SLC35F3: variants seen among roughly 807,000 people sequenced by gnomAD.
SLC35F3 encodes putative thiamine transporter SLC35F3.
SLC35F3 carries 25 observed loss-of-function variants against 49.9 expected under a neutral mutation model. The ratio of observed to expected loss-of-function variants is 0.50; its 90% confidence interval spans 0.37 to 0.70. SLC35F3 has a LOEUF of 0.70. Ranked by LOEUF, SLC35F3 falls within the 30% of genes least tolerant of loss-of-function variation. The probability of loss-of-function intolerance (pLI) is 0.00; values close to 1 mark genes in which losing one functional copy is unlikely to be tolerated. For synonymous variants in SLC35F3, 275 were observed against 265.4 expected, an observed-to-expected ratio of 1.04 and a Z score of -0.35; for missense variants, 525 against 639.8, an observed-to-expected ratio of 0.82 and a Z score of 1.94.
chr1:234,110,721 G>A (rs1216821274), intron 2 of SLC35F3, among the ~76,000 whole-genome samples: 1 of 146,370 alleles, frequency 6.8e-6, no homozygotes, highest in African/African-American at 2.4e-5. Context: ...CACAGCTGAT[G>A]GGAATGTAAA....
chr1:233,907,238 C>T (rs1270572146), intron 2 of SLC35F3, among the ~76,000 whole-genome samples: 2 of 152,204 alleles, frequency 1.3e-5, no homozygotes, highest in African/African-American at 4.8e-5. Flanking sequence ...AAAGTCATCT[C>T]TTTGGTGCTT....
intron 3 of SLC35F3, chr1:234,285,289 A>C: frequency 4.3e-6 from 2 of 466,916 alleles, no homozygotes; most frequent in Non-Finnish European, 8.6e-6. Flanking sequence ...ATCCAGAAGA[A>C]TGGGTCTCTT....
At chr1:234,194,566 A>ATACCACCT (rs1203077907) in intron 2 of SLC35F3, among the ~76,000 whole-genome samples, 1 of 152,104 alleles carries the variant, frequency 6.6e-6, no homozygotes, top group African/African-American at 2.4e-5. Flanking sequence ...ATGTAACCAA[A>ATACCACCT]TACCACCTGT....
rs537283024 is a variant in SLC35F3, at chr1:234,116,536, G to A, written c.284-114881G>A. ...TTATTTATTTATTTATTTTGAGACAGCGTTTTGCTCTGTTGCCCAGGCTGG... is the reference window on the plus strand; with the variant it reads ...TTATTTATTTATTTATTTTGAGACAACGTTTTGCTCTGTTGCCCAGGCTGG... On this transcript the variant is annotated intron_variant, in intron 2 of 7. Transcript: ENST00000366618. 2.0e-4 allele frequency among the ~76,000 whole-genome samples: 25 copies of A among 127,566 alleles called. No individual in the cohort carries two copies. The South Asian group carries it at 5.8e-3, about 29-fold the overall frequency. The allele number at this position is 127,566 out of a possible 152,430, so 83.7% of individuals were successfully genotyped here.
chr1:234,322,924 A>G, intron 7 of SLC35F3, 84 bp from the exon 8 acceptor site: 1 of 1,091,134 alleles, frequency 9.2e-7, no homozygotes, highest in Non-Finnish European at 1.4e-6. Context: ...CAGACAGAGG[A>G]GGGTGCCCCC....
rs971564663 is a variant in SLC35F3, at chr1:234,109,436, G to A, written c.284-121981G>A. On this transcript the variant is annotated intron_variant, in intron 2 of 7. Coordinates refer to ENST00000366618, the MANE Select transcript of SLC35F3 (RefSeq NM_173508.4). ...CAGATGCATCCTAAAGCCATAGGCA[G>A]CTCATCTCCTCATGGTTGGAGGGAG... Among the ~76,000 whole-genome samples the A allele has an allele frequency of 2.0e-5, 3 of 152,186 alleles. No individual in the cohort carries two copies. The East Asian group carries it at 5.8e-4, about 29-fold the overall frequency.
chr1:233,939,865 G>A (rs1411947801), intron 2 of SLC35F3, among the ~76,000 whole-genome samples: 3 of 152,134 alleles, frequency 2.0e-5, no homozygotes, highest in Admixed American at 1.3e-4. Flanking sequence ...GAGAAACTAT[G>A]GAAACCATTA....
chr1:234,323,373 C>T lies in SLC35F3; in HGVS notation c.*130C>T, dbSNP rs1289459676. The T allele has an allele frequency of 4.0e-5, 29 of 730,906 alleles. No individual in the cohort carries two copies. The East Asian group carries it at 6.0e-4, about 15-fold the overall frequency. The allele number at this position is 730,906 out of a possible 1,614,324, so 45.3% of individuals were successfully genotyped here. ...CGGTAAGTTCTATGGTATTTATTGGCATGTCCAATTTGCTTGCACTTTTCC... is the reference window on the plus strand; with the variant it reads ...CGGTAAGTTCTATGGTATTTATTGGTATGTCCAATTTGCTTGCACTTTTCC... On this transcript the variant is annotated 3_prime_UTR_variant, in exon 8 of 8. Transcript: ENST00000366618. This position sits in a 1 kb window ranked among gnomAD's most constrained non-coding sequence, Gnocchi z 4.5.
intron 2 of SLC35F3, among the ~76,000 whole-genome samples, chr1:234,180,094 G>C (rs1005630568): frequency 1.3e-5 from 2 of 152,176 alleles, no homozygotes; most frequent in Non-Finnish European, 2.9e-5. Flanking sequence ...ATAGGGATGA[G>C]TGACAACAGC....
At chr1:234,281,139 T>C (rs1223321615) in intron 3 of SLC35F3, among the ~76,000 whole-genome samples, 1 of 152,084 alleles carries the variant, frequency 6.6e-6, no homozygotes, top group Non-Finnish European at 1.5e-5. Flanking sequence ...CTTCAGAATG[T>C]AACTGCATTT....
At chr1:234,228,821 G>A (rs1435497665) in intron 2 of SLC35F3, among the ~76,000 whole-genome samples, 3 of 152,138 alleles carry the variant, frequency 2.0e-5, no homozygotes, top group African/African-American at 7.2e-5. Context: ...ATCCCTGGGT[G>A]CTAACATCAC....
intron 3 of SLC35F3, among the ~76,000 whole-genome samples, chr1:234,243,693 C>T (rs1177840479): frequency 1.1e-4 from 16 of 152,174 alleles, no homozygotes; most frequent in Non-Finnish European, 2.2e-4. Flanking sequence ...ACTGGTGTCC[C>T]GTTTGACTTT....
chr1:234,084,893 C>A (rs1222251997), intron 2 of SLC35F3, among the ~76,000 whole-genome samples: 2 of 152,078 alleles, frequency 1.3e-5, no homozygotes, highest in African/African-American at 4.8e-5. Context: ...GACTGAGGGG[C>A]CACATTAGAA....
chr1:234,058,368 A>G (rs1664488337), intron 2 of SLC35F3, among the ~76,000 whole-genome samples: 1 of 112,052 alleles, frequency 8.9e-6, no homozygotes, highest in Non-Finnish European at 1.6e-5. Flanking sequence ...TCAGTTAAAC[A>G]GGGTCTCACC....
At chr1:233,997,233 G>T (rs931891107) in intron 2 of SLC35F3, among the ~76,000 whole-genome samples, 1 of 152,114 alleles carries the variant, frequency 6.6e-6, no homozygotes, top group African/African-American at 2.4e-5. Flanking sequence ...GACATCTGAT[G>T]AGCTTGTGAT....
chr1:234,258,504 T>C (rs1667854939), intron 3 of SLC35F3, among the ~76,000 whole-genome samples: 1 of 152,258 alleles, frequency 6.6e-6, no homozygotes, highest in Non-Finnish European at 1.5e-5. Flanking sequence ...GCCTAGGTCT[T>C]AGTGGAATTC....
At chr1:233,951,370 C>G (rs1662605665) in intron 2 of SLC35F3, among the ~76,000 whole-genome samples, 1 of 151,918 alleles carries the variant, frequency 6.6e-6, no homozygotes, top group African/African-American at 2.4e-5. Context: ...CACCCACCAC[C>G]CACTCACTGA....
At chr1:234,321,763 G>T (rs567181671) in intron 7 of SLC35F3, among the ~76,000 whole-genome samples, 1 of 152,170 alleles carries the variant, frequency 6.6e-6, no homozygotes, top group African/African-American at 2.4e-5. Context: ...ACCCTGCCGC[G>T]TATCTCACTT....
At position 234,320,275 on chromosome 1, in the gene SLC35F3, TACAC is replaced by T. The variant is rs1272114363; in HGVS notation, c.1237+91_1237+94del. On this transcript the variant is annotated intron_variant, in intron 7 of 7. Transcript: ENST00000366618. This position sits in a 1 kb window ranked among gnomAD's most constrained non-coding sequence, Gnocchi z 4.8. ...ACACATACACACACTCATGCATACA[TACAC>T]ACTCACACATACACTCACATACACA... The T allele has an allele frequency of 1.6e-5, 14 of 898,530 alleles. 1 individual carries two copies. Among genetic ancestry groups the T allele is most frequent in the African/African-American group, 1.3e-4 (8 of 61,248 alleles). 55.7% of individuals were successfully genotyped at this position (898,530 alleles called of 1,614,324 possible). A position where few individuals can be genotyped will look rare whatever the true frequency, so the allele number is the denominator to read the frequency against.
Sources: allele counts gnomAD v4.1 joint callset (sites outside exome capture counted in the v4.1 genomes callset), GRCh38; gene constraint gnomAD v4.1.1; non-coding constraint Gnocchi (gnomAD v3.1); transcripts MANE v1.5; gene names NCBI Gene and HGNC (gene_info 2026-07-23, HGNC 2026-07-21).